The following TENM4 variants were observed in gnomAD, a reference collection of about 807,000 sequenced individuals.
TENM4 encodes teneurin-4.
Under a neutral mutation model 243.3 loss-of-function variants are expected in TENM4, and 82 were observed. The ratio of observed to expected loss-of-function variants is 0.34; its 90% CI spans 0.28 to 0.40. The LOEUF (loss-of-function observed/expected upper bound fraction) is 0.40, where lower values mean the gene tolerates loss of function less well. Among genes scored for constraint, TENM4 ranks in the 10% least tolerant of loss-of-function variants. The pLI is 1.00. For synonymous variants in TENM4, 1,412 were observed against 1,456.3 expected (o/e 0.97, Z 0.69); for missense variants, 3,138 against 3,673.3 (o/e 0.85, Z 3.77).
At chr11:79,142,968 A>G (rs1197996366) in intron 4 of TENM4, among the ~76,000 whole-genome samples, 1 of 152,112 alleles carries the variant, frequency 6.6e-6, no homozygotes, top group Non-Finnish European at 1.5e-5. Flanking sequence ...AATCAAAACC[A>G]CAATGAGATA....
intron 15 of TENM4, among the ~76,000 whole-genome samples, chr11:78,794,623 G>T (rs1857125032): frequency 1.3e-5 from 2 of 152,194 alleles, no homozygotes; most frequent in South Asian, 4.1e-4. Context: ...AGTGGTGAAT[G>T]GTTAAAATGA....
At chr11:78,717,571 G>T (rs1859550873) in intron 25 of TENM4, among the ~76,000 whole-genome samples, 1 of 152,188 alleles carries the variant, frequency 6.6e-6, no homozygotes, top group African/African-American at 2.4e-5. Context: ...CTATTTCAAA[G>T]GATTATTTTG....
chr11:79,282,086 T>C (rs1341779467), intron 2 of TENM4, among the ~76,000 whole-genome samples: 1 of 152,208 alleles, frequency 6.6e-6, no homozygotes, highest in East Asian at 1.9e-4. Flanking sequence ...CATTCATCAT[T>C]AGGGAAATCC....
chr11:78,919,335 G>T (rs1321604787), intron 6 of TENM4, among the ~76,000 whole-genome samples: 3 of 152,086 alleles, frequency 2.0e-5, no homozygotes, highest in Non-Finnish European at 4.4e-5. Flanking sequence ...GCTATTAGAG[G>T]TGCCATGATC....
intron 7 of TENM4, among the ~76,000 whole-genome samples, chr11:78,902,020 G>A (rs76647365): frequency 0.013 from 1,910 of 152,254 alleles, 42 homozygotes; most frequent in African/African-American, 0.044. Context: ...TCACATGCAG[G>A]TTAATTTTAC....
At chr11:78,816,561 G>A (rs1387703072) in intron 12 of TENM4, among the ~76,000 whole-genome samples, 2 of 152,186 alleles carry the variant, frequency 1.3e-5, no homozygotes, top group Non-Finnish European at 2.9e-5. Flanking sequence ...AGAGCTTGGA[G>A]GGATCCTAGA....
At chr11:78,882,937 G>C (rs897514101) in intron 9 of TENM4, among the ~76,000 whole-genome samples, 1 of 152,142 alleles carries the variant, frequency 6.6e-6, no homozygotes, top group African/African-American at 2.4e-5. Context: ...CCTAATTTAA[G>C]AAAGGATCCC....
Position 79,082,028 on chromosome 11 carries a change from C to T in TENM4, c.-65-12019G>A, listed in dbSNP as rs1860688624. 2.0e-5 allele frequency among the ~76,000 whole-genome samples: 3 copies of T among 152,114 alleles called. No individual in the cohort carries two copies. The South Asian group carries it at 6.2e-4, about 32-fold the overall frequency. ...ATCTGTTAGGAAAATGCCCACACAC[C>T]TGGATCATTAACTTCATTGGTACTT... On this transcript the variant is annotated intron_variant, in intron 4 of 33. Coordinates refer to ENST00000278550, the MANE Select transcript of TENM4 (RefSeq NM_001098816.3).
intron 2 of TENM4, among the ~76,000 whole-genome samples, chr11:79,236,078 C>G (rs1864465247): frequency 6.6e-6 from 1 of 152,140 alleles, no homozygotes. Context: ...ACTCAGGGTT[C>G]ACGGTCCCTG....
chr11:78,820,327 T>C (rs1018345030), intron 12 of TENM4, among the ~76,000 whole-genome samples: 2 of 152,198 alleles, frequency 1.3e-5, no homozygotes, highest in African/African-American at 2.4e-5. Context: ...ACACAGCTGA[T>C]AGGGGAAAAT....
chr11:79,077,144 C>T (rs1213965480), intron 4 of TENM4, among the ~76,000 whole-genome samples: 1 of 152,206 alleles, frequency 6.6e-6, no homozygotes, highest in Non-Finnish European at 1.5e-5. Flanking sequence ...TTCTTCTCTC[C>T]TCCCCGAACT....
intron 1 of TENM4, among the ~76,000 whole-genome samples, chr11:79,418,882 G>C (rs12279943): frequency 0.17 from 25,922 of 152,186 alleles, 2,351 homozygotes; most frequent in Middle Eastern, 0.19. Flanking sequence ...CTGGAAATTG[G>C]ACACTCTTAA....
chr11:78,740,350 A>G (rs1343128469), intron 19 of TENM4, among the ~76,000 whole-genome samples: 1 of 150,864 alleles, frequency 6.6e-6, no homozygotes. Context: ...AATGCACCAG[A>G]CTCCCCACCC....
intron 1 of TENM4, among the ~76,000 whole-genome samples, chr11:79,334,780 GAAA>G (rs1296177327): frequency 6.6e-6 from 1 of 152,160 alleles, no homozygotes. Flanking sequence ...ATATGACTGA[GAAA>G]TCCTGTCATA....
intron 2 of TENM4, among the ~76,000 whole-genome samples, chr11:79,241,364 GA>G (rs1864585832): frequency 6.6e-6 from 1 of 152,044 alleles, no homozygotes; most frequent in Non-Finnish European, 1.5e-5. Context: ...GTGTGACTTG[GA>G]GAGAGTGGGA....
chr11:78,700,179 A>G (rs190082162), intron 28 of TENM4, among the ~76,000 whole-genome samples: 9 of 152,324 alleles, frequency 5.9e-5, no homozygotes, highest in African/African-American at 1.4e-4. Context: ...AAAAACTTTA[A>G]AGAGTCAGGT....
rs373212458 is a variant in TENM4, at chr11:79,157,170, A to G, written c.-162-8364T>C. 5.9e-5 allele frequency among the ~76,000 whole-genome samples: 9 copies of G among 152,164 alleles called. No homozygotes were observed. In the East Asian group the frequency reaches 1.2e-3, roughly 20 times the overall value. ...AGTGCAGGACACAGAGCCCAGGACTATACGACATTAGTTGGTCATTCTAAG... is the reference window on the plus strand; with the variant it reads ...AGTGCAGGACACAGAGCCCAGGACTGTACGACATTAGTTGGTCATTCTAAG... On this transcript the variant is annotated intron_variant, in intron 3 of 33. Transcript: ENST00000278550.
chr11:79,425,012 G>A (rs528073103), intron 1 of TENM4, among the ~76,000 whole-genome samples: 51 of 152,270 alleles, frequency 3.3e-4, no homozygotes, highest in African/African-American at 1.0e-3. Flanking sequence ...TTTAAACTTA[G>A]GTCAGTCTGA....
chr11:79,026,585 C>G (rs548717834), intron 6 of TENM4, among the ~76,000 whole-genome samples: 2 of 152,284 alleles, frequency 1.3e-5, no homozygotes, highest in East Asian at 3.9e-4. Flanking sequence ...AGAAGTAGTA[C>G]TTTTAGTGCT....
Sources: allele counts gnomAD v4.1 joint callset (sites outside exome capture counted in the v4.1 genomes callset), GRCh38; gene constraint gnomAD v4.1.1; transcripts MANE v1.5; gene names NCBI Gene and HGNC (gene_info 2026-07-23, HGNC 2026-07-21).